NEGR1: variants seen among roughly 807,000 people sequenced by gnomAD.
NEGR1 encodes the protein IgLON family member 4.
In NEGR1, 10 loss-of-function variants were observed where a neutral mutation model predicts 40.9. That is an observed-to-expected ratio of 0.24 (90% CI 0.15 to 0.42). The LOEUF (loss-of-function observed/expected upper bound fraction) is 0.42. Among genes scored for constraint, NEGR1 ranks in the 10% least tolerant of loss-of-function variants. The pLI, the probability that NEGR1 is intolerant of heterozygous loss-of-function variation, is 1.00. For missense variants in NEGR1, 352 were observed against 438.9 expected (o/e 0.80, Z 1.77); for synonymous variants, 185 against 166.8 (o/e 1.11, Z -0.84).
At chr1:72,073,739 C>A (rs986872412) in intron 1 of NEGR1, among the ~76,000 whole-genome samples, 1 of 151,672 alleles carries the variant, frequency 6.6e-6, no homozygotes, top group Non-Finnish European at 1.5e-5. Context: ...ACTTAAGCTA[C>A]AGCTTGGAAA....
intron 3 of NEGR1, among the ~76,000 whole-genome samples, chr1:71,772,399 A>G (rs553291276): frequency 6.0e-4 from 91 of 150,638 alleles, no homozygotes; most frequent in African/African-American, 2.1e-3. Context: ...GTGAGACTTC[A>G]TCTCCAAAAA....
chr1:71,894,530 C>G (rs971419264), intron 2 of NEGR1, among the ~76,000 whole-genome samples: 1 of 152,146 alleles, frequency 6.6e-6, no homozygotes, highest in Non-Finnish European at 1.5e-5. Context: ...GTTATTTTCC[C>G]CATTTGACAG....
At chr1:72,256,875 G>T (rs193259590) in intron 1 of NEGR1, among the ~76,000 whole-genome samples, 316 of 152,220 alleles carry the variant, frequency 2.1e-3, no homozygotes, top group African/African-American at 6.2e-3. Flanking sequence ...CCAAAATTAA[G>T]ATCTGTGGTT....
At chr1:72,272,927 G>A (rs1174443348) in intron 1 of NEGR1, among the ~76,000 whole-genome samples, 2 of 151,912 alleles carry the variant, frequency 1.3e-5, no homozygotes, top group African/African-American at 4.8e-5. Context: ...TGGCAACACT[G>A]CCAAATTCCT....
chr1:71,711,422 T>A (rs1387103121), intron 3 of NEGR1, among the ~76,000 whole-genome samples: 2 of 144,248 alleles, frequency 1.4e-5, no homozygotes, highest in Non-Finnish European at 3.0e-5. Flanking sequence ...TAATTAGTCA[T>A]TAGGAAAATT....
chr1:71,939,899 A>G (rs1645944037), intron 1 of NEGR1, among the ~76,000 whole-genome samples: 1 of 152,166 alleles, frequency 6.6e-6, no homozygotes, highest in Non-Finnish European at 1.5e-5. Flanking sequence ...AGATACTACT[A>G]TTATCTTAAT....
At chr1:72,007,594 A>G (rs1287681236) in intron 1 of NEGR1, among the ~76,000 whole-genome samples, 1 of 152,168 alleles carries the variant, frequency 6.6e-6, no homozygotes, top group East Asian at 1.9e-4. Flanking sequence ...GCAATCAAGT[A>G]CTGGAAAGAG....
At chr1:71,712,608 T>G (rs1445021038) in intron 3 of NEGR1, among the ~76,000 whole-genome samples, 1 of 152,190 alleles carries the variant, frequency 6.6e-6, no homozygotes, top group Admixed American at 6.5e-5. Flanking sequence ...GAGATAATAT[T>G]CATAAAAAAT....
chr1:72,131,306 A>C (rs1650240293), intron 1 of NEGR1, among the ~76,000 whole-genome samples: 1 of 152,196 alleles, frequency 6.6e-6, no homozygotes, highest in Admixed American at 6.5e-5. Context: ...GAAATAAGTC[A>C]AGAAAAAATG....
chr1:71,872,875 T>C (rs1462428459), intron 2 of NEGR1, among the ~76,000 whole-genome samples: 1 of 152,142 alleles, frequency 6.6e-6, no homozygotes. Flanking sequence ...TTTGTTGCCA[T>C]GTGGACATTG....
intron 2 of NEGR1, among the ~76,000 whole-genome samples, chr1:71,815,741 C>A (rs1420185178): frequency 6.6e-6 from 1 of 151,946 alleles, no homozygotes. Flanking sequence ...GTAGGTATCT[C>A]CCTTCCTTTC....
At chr1:72,009,234 C>T (rs756973687) in intron 1 of NEGR1, among the ~76,000 whole-genome samples, 1 of 151,944 alleles carries the variant, frequency 6.6e-6, no homozygotes, top group African/African-American at 2.4e-5. Context: ...GCTTCCATAA[C>T]AGAAATAATC....
intron 1 of NEGR1, among the ~76,000 whole-genome samples, chr1:72,018,881 A>C (rs1055399664): frequency 3.3e-5 from 5 of 152,152 alleles, no homozygotes; most frequent in African/African-American, 1.2e-4. Context: ...GCATAGGGCA[A>C]CATGATCTAG....
intron 2 of NEGR1, among the ~76,000 whole-genome samples, chr1:71,807,253 G>A (rs939711456): frequency 1.3e-5 from 2 of 152,018 alleles, no homozygotes; most frequent in South Asian, 4.2e-4. Context: ...TAATTAGAAA[G>A]CATTTCATAT....
At chr1:71,735,729 T>C (rs568283355) in intron 3 of NEGR1, among the ~76,000 whole-genome samples, 1 of 152,132 alleles carries the variant, frequency 6.6e-6, no homozygotes, top group South Asian at 2.1e-4. Context: ...TTACGTGCAA[T>C]AGATAAAATA....
chr1:71,908,129 T>C (rs1201085175), intron 2 of NEGR1, among the ~76,000 whole-genome samples: 1 of 151,504 alleles, frequency 6.6e-6, no homozygotes, highest in Non-Finnish European at 1.5e-5. Context: ...ATTACAAGTC[T>C]GCACATGTAC....
At chr1:71,857,457 C>CAAAAAAAAA (rs34177437) in intron 2 of NEGR1, among the ~76,000 whole-genome samples, 229 of 77,204 alleles carry the variant, frequency 3.0e-3, no homozygotes, top group Middle Eastern at 9.4e-3. Context: ...ACAAAAAATA[C>CAAAAAAAAA]AAAAAAAAAA....
chr1:71,768,779 T>C (rs1383302144), intron 3 of NEGR1, among the ~76,000 whole-genome samples: 1 of 152,012 alleles, frequency 6.6e-6, no homozygotes, highest in East Asian at 1.9e-4. Context: ...ATGTTGGAGG[T>C]GGAGTGTAGT....
chr1:71,602,519 G>T (rs1649959791), intron 5 of NEGR1, among the ~76,000 whole-genome samples: 1 of 151,858 alleles, frequency 6.6e-6, no homozygotes, highest in East Asian at 1.9e-4. Context: ...CCAAAGTGCT[G>T]GGATTACAGG....
Sources: allele counts gnomAD v4.1 joint callset (sites outside exome capture counted in the v4.1 genomes callset), GRCh38; gene constraint gnomAD v4.1.1; transcripts MANE v1.5; gene names NCBI Gene and HGNC (gene_info 2026-07-23, HGNC 2026-07-21).